The following ATP2B2 variants were observed in gnomAD, a reference collection of about 807,000 sequenced individuals.
ATP2B2 encodes plasma membrane calcium-transporting ATPase 2.
A neutral mutation model predicts 120.0 loss-of-function variants in ATP2B2; 15 were observed. The observed-to-expected ratio is 0.12, with a 90% CI of 0.08 to 0.19. ATP2B2 has a LOEUF of 0.19. Ranked by LOEUF, ATP2B2 falls within the 10% of genes least tolerant of loss-of-function variation. The pLI is 1.00. For synonymous variants in ATP2B2, 694 were observed against 700.3 expected, an observed-to-expected ratio of 0.99 and a Z score of 0.14; for missense variants, 1,045 against 1,719.8, an observed-to-expected ratio of 0.61 and a Z score of 6.94.
intron 2 of ATP2B2, among the ~76,000 whole-genome samples, chr3:10,426,489 G>T (rs1181465426): frequency 6.6e-6 from 1 of 152,164 alleles, no homozygotes; most frequent in Non-Finnish European, 1.5e-5. Flanking sequence ...ACTCCCTTCT[G>T]TGCCAGAGAC....
At chr3:10,461,212 C>T (rs1210148640) in intron 1 of ATP2B2, among the ~76,000 whole-genome samples, 1 of 152,192 alleles carries the variant, frequency 6.6e-6, no homozygotes, top group Non-Finnish European at 1.5e-5. Context: ...CTATTTCTCA[C>T]TACTGTGGCC....
intron 12 of ATP2B2, among the ~76,000 whole-genome samples, chr3:10,364,352 C>G (rs891540037): frequency 6.6e-6 from 1 of 152,034 alleles, no homozygotes; most frequent in Non-Finnish European, 1.5e-5. Flanking sequence ...TGAAAATGGT[C>G]AAGTTTGTAA....
intron 2 of ATP2B2, among the ~76,000 whole-genome samples, chr3:10,424,644 G>A (rs949750582): frequency 6.6e-6 from 1 of 152,180 alleles, no homozygotes; most frequent in South Asian, 2.1e-4. Flanking sequence ...ATGCATTTCT[G>A]TCTTTGGAAA....
At chr3:10,432,069 A>G (rs1358998345) in intron 2 of ATP2B2, among the ~76,000 whole-genome samples, 2 of 152,224 alleles carry the variant, frequency 1.3e-5, no homozygotes, top group Admixed American at 1.3e-4. Flanking sequence ...GGGAGAGGAA[A>G]AAATATCTAC....
chr3:10,574,283 G>A (rs1260797177), intron 2 of ATP2B2, among the ~76,000 whole-genome samples: 1 of 152,172 alleles, frequency 6.6e-6, no homozygotes, highest in Non-Finnish European at 1.5e-5. Flanking sequence ...AGCTCTGTGG[G>A]GTAAGGTGGT....
intron 1 of ATP2B2, among the ~76,000 whole-genome samples, chr3:10,641,657 G>T (rs939010076): frequency 6.6e-6 from 1 of 152,198 alleles, no homozygotes; most frequent in Non-Finnish European, 1.5e-5. Flanking sequence ...CTTTCTGGTT[G>T]CTCAGCTCTA....
intron 1 of ATP2B2, among the ~76,000 whole-genome samples, chr3:10,673,225 A>G (rs756272603): frequency 1.3e-5 from 2 of 152,090 alleles, no homozygotes; most frequent in Non-Finnish European, 1.5e-5. Flanking sequence ...CAGTTTACCA[A>G]GTGGTAAAGG....
intron 2 of ATP2B2, among the ~76,000 whole-genome samples, chr3:10,447,955 G>C (rs973915865): frequency 6.6e-6 from 1 of 152,236 alleles, no homozygotes; most frequent in Non-Finnish European, 1.5e-5. Context: ...AGAAGAACCA[G>C]TTTTAGCTTT....
chr3:10,465,887 G>A (rs1328224703), intron 1 of ATP2B2, among the ~76,000 whole-genome samples: 2 of 152,172 alleles, frequency 1.3e-5, no homozygotes, highest in Admixed American at 1.3e-4. Flanking sequence ...CACTGAGTTG[G>A]TCCCTAACCA....
chr3:10,596,333 C>G (rs1198747699), intron 2 of ATP2B2, among the ~76,000 whole-genome samples: 2 of 152,236 alleles, frequency 1.3e-5, no homozygotes, highest in African/African-American at 4.8e-5. Context: ...GGCAGGGACT[C>G]TGTGGGTATG....
chr3:10,361,617 C>A (rs150250124), intron 12 of ATP2B2, among the ~76,000 whole-genome samples: 3 of 152,382 alleles, frequency 2.0e-5, no homozygotes, highest in African/African-American at 7.2e-5. Context: ...CCTCACATGG[C>A]TGCCCGAACA....
chr3:10,676,017 C>A (rs2071232220), intron 1 of ATP2B2, among the ~76,000 whole-genome samples: 1 of 152,176 alleles, frequency 6.6e-6, no homozygotes, highest in African/African-American at 2.4e-5. Context: ...TGATGCTGTA[C>A]TTGTGAATGT....
intron 2 of ATP2B2, among the ~76,000 whole-genome samples, chr3:10,605,633 A>G (rs774470016): frequency 1.4e-4 from 20 of 142,564 alleles, no homozygotes; most frequent in Non-Finnish European, 3.0e-4. Context: ...TGGCCAACAC[A>G]CTGGGACCCT....
intron 21 of ATP2B2, 130 bp from the exon 22 acceptor site, chr3:10,338,488 C>T: frequency 1.1e-6 from 1 of 882,068 alleles, no homozygotes; most frequent in Non-Finnish European, 1.8e-6. Context: ...ACTCCTTCAC[C>T]CACCTCACCT....
intron 21 of ATP2B2, among the ~76,000 whole-genome samples, chr3:10,339,990 T>G (rs1182756954): frequency 6.6e-6 from 1 of 152,236 alleles, no homozygotes; most frequent in Non-Finnish European, 1.5e-5. Context: ...TTAAAAAAGC[T>G]GACGTGATTG....
intron 17 of ATP2B2, 140 bp from the exon 18 acceptor site, chr3:10,345,715 C>T: frequency 3.7e-6 from 3 of 819,566 alleles, no homozygotes; most frequent in Non-Finnish European, 5.8e-6. Context: ...CACAGGGACA[C>T]CCCACTCTTC....
At chr3:10,436,360 G>T (rs1309087109) in intron 2 of ATP2B2, among the ~76,000 whole-genome samples, 1 of 152,202 alleles carries the variant, frequency 6.6e-6, no homozygotes, top group African/African-American at 2.4e-5. Flanking sequence ...ACCGTATAAT[G>T]GTGTGCGGCT....
At chr3:10,383,121 C>A (rs1340516663) in intron 8 of ATP2B2, among the ~76,000 whole-genome samples, 1 of 146,028 alleles carries the variant, frequency 6.8e-6, no homozygotes, top group Non-Finnish European at 1.5e-5. Flanking sequence ...TACGTGTGCA[C>A]CCTAAAACTT....
At chr3:10,702,516 C>G (rs768604279) in intron 1 of ATP2B2, among the ~76,000 whole-genome samples, 1 of 152,124 alleles carries the variant, frequency 6.6e-6, no homozygotes, top group Non-Finnish European at 1.5e-5. Context: ...AGCACTGACT[C>G]GTTCCCAGGC....
Sources: allele counts gnomAD v4.1 joint callset (sites outside exome capture counted in the v4.1 genomes callset), GRCh38; gene constraint gnomAD v4.1.1; transcripts MANE v1.5; gene names NCBI Gene and HGNC (gene_info 2026-07-23, HGNC 2026-07-21).